Variants in DYNC1I1 observed in about 807,000 individuals in gnomAD.
DYNC1I1 encodes the protein dynein cytoplasmic 1 intermediate chain 1, also known as cytoplasmic dynein 1 intermediate chain 1.
DYNC1I1 carries 43 observed loss-of-function variants against 86.6 expected under a neutral mutation model. The observed-to-expected ratio is 0.50, with a 90% CI of 0.39 to 0.64. The LOEUF is 0.64. Ranked by LOEUF, DYNC1I1 falls within the 30% of genes least tolerant of loss-of-function variation. DYNC1I1 has a pLI of 0.00. For missense variants in DYNC1I1, 604 were observed against 788.8 expected (o/e 0.77, Z 2.81); for synonymous variants, 262 against 283.7 (o/e 0.92, Z 0.77).
intron 6 of DYNC1I1, among the ~76,000 whole-genome samples, chr7:95,892,466 A>G (rs1298053393): frequency 6.6e-6 from 1 of 152,052 alleles, no homozygotes; most frequent in Non-Finnish European, 1.5e-5. Context: ...GCCTGCCACC[A>G]CGCCCAGCTA....
chr7:95,965,070 G>A (rs1203785751), intron 6 of DYNC1I1, among the ~76,000 whole-genome samples: 1 of 152,186 alleles, frequency 6.6e-6, no homozygotes, highest in Non-Finnish European at 1.5e-5. Flanking sequence ...AAGACTCCAT[G>A]CAGTAGATGA....
chr7:96,035,855 G>GA (rs754937103), intron 13 of DYNC1I1, 103 bp downstream of exon 13: 50 of 1,545,936 alleles, frequency 3.2e-5, no homozygotes, highest in Non-Finnish European at 4.4e-5. Flanking sequence ...AGCATCTCTG[G>GA]AAAAATGGAA....
intron 6 of DYNC1I1, among the ~76,000 whole-genome samples, chr7:95,919,441 G>A (rs1791555671): frequency 6.6e-6 from 1 of 152,032 alleles, no homozygotes; most frequent in Admixed American, 6.6e-5. Flanking sequence ...TTTGATGTTT[G>A]GTTTCATGTT....
chr7:95,832,740 T>C (rs1440932332), intron 5 of DYNC1I1, among the ~76,000 whole-genome samples: 2 of 152,158 alleles, frequency 1.3e-5, no homozygotes, highest in Non-Finnish European at 2.9e-5. Context: ...CATTTTTTCA[T>C]GTGTTTTTTG....
intron 6 of DYNC1I1, among the ~76,000 whole-genome samples, chr7:95,957,708 A>G (rs992604012): frequency 2.6e-5 from 4 of 152,214 alleles, no homozygotes; most frequent in Non-Finnish European, 5.9e-5. Context: ...AGTCGGAGCC[A>G]GGAAGCACAT....
intron 6 of DYNC1I1, among the ~76,000 whole-genome samples, chr7:95,972,425 G>A (rs964522886): frequency 6.6e-6 from 1 of 152,056 alleles, no homozygotes; most frequent in African/African-American, 2.4e-5. Flanking sequence ...AGTTAGGAGC[G>A]ACCAGTCTGA....
chr7:96,022,851 C>T (rs141803535), intron 10 of DYNC1I1, among the ~76,000 whole-genome samples: 2,010 of 151,676 alleles, frequency 0.013, 40 homozygotes, highest in African/African-American at 0.046. Flanking sequence ...GCCTGGGTGA[C>T]AGAGCAAGAC....
intron 14 of DYNC1I1, among the ~76,000 whole-genome samples, chr7:96,040,514 T>C (rs1789004252): frequency 6.6e-6 from 1 of 152,098 alleles, no homozygotes. Flanking sequence ...CCTGGGCAGC[T>C]GGTGAGTGTA....
intron 10 of DYNC1I1, among the ~76,000 whole-genome samples, chr7:96,022,358 T>C (rs1794573077): frequency 6.6e-6 from 1 of 152,176 alleles, no homozygotes; most frequent in Non-Finnish European, 1.5e-5. Context: ...GTTTCTAATC[T>C]ATGGGAAATC....
intron 6 of DYNC1I1, among the ~76,000 whole-genome samples, chr7:95,884,680 T>A (rs1180259765): frequency 1.3e-5 from 2 of 151,366 alleles, no homozygotes; most frequent in Non-Finnish European, 1.5e-5. Flanking sequence ...ACACCTGTAA[T>A]CCTAGCTCTC....
intron 6 of DYNC1I1, among the ~76,000 whole-genome samples, chr7:95,880,414 G>A (rs945486406): frequency 4.6e-5 from 7 of 152,048 alleles, no homozygotes; most frequent in African/African-American, 1.7e-4. Context: ...TAAACGACCC[G>A]GGCAGTTTCA....
At chr7:95,986,974 G>A in intron 8 of DYNC1I1, 82 bp from the exon 9 acceptor site, 1 of 1,258,532 alleles carries the variant, frequency 7.9e-7, no homozygotes, top group Non-Finnish European at 1.2e-6. Flanking sequence ...TTGTGTGCCA[G>A]GCTTTTGCCA....
intron 6 of DYNC1I1, among the ~76,000 whole-genome samples, chr7:95,889,831 G>A (rs1373830079): frequency 1.3e-5 from 2 of 152,120 alleles, no homozygotes; most frequent in South Asian, 2.1e-4. Flanking sequence ...TGGCCAATAA[G>A]CATATGAAGA....
chr7:95,790,780 G>T (rs1320026728), intron 1 of DYNC1I1, among the ~76,000 whole-genome samples: 4 of 152,208 alleles, frequency 2.6e-5, no homozygotes, highest in African/African-American at 9.7e-5. Context: ...TGGCTAAGTG[G>T]CTGAGAGCAT....
intron 6 of DYNC1I1, among the ~76,000 whole-genome samples, chr7:95,870,566 C>A (rs1409490456): frequency 6.6e-6 from 1 of 152,226 alleles, no homozygotes; most frequent in Non-Finnish European, 1.5e-5. Flanking sequence ...TTGCTGACCA[C>A]TGATTTGGTT....
At chr7:95,956,370 CT>C (rs1279531970) in intron 6 of DYNC1I1, among the ~76,000 whole-genome samples, 9 of 135,794 alleles carry the variant, frequency 6.6e-5, no homozygotes, top group Admixed American at 5.6e-4. Context: ...TAAGACCCTT[CT>C]TTTTTTCTCT....
intron 16 of DYNC1I1, among the ~76,000 whole-genome samples, chr7:96,081,214 T>C (rs1332882152): frequency 6.6e-6 from 1 of 152,118 alleles, no homozygotes; most frequent in Non-Finnish European, 1.5e-5. Context: ...TGTGATTAAT[T>C]AGAATTTTGT....
At chr7:95,798,746 G>C (rs1794506153) in intron 1 of DYNC1I1, among the ~76,000 whole-genome samples, 1 of 152,118 alleles carries the variant, frequency 6.6e-6, no homozygotes, top group South Asian at 2.1e-4. Flanking sequence ...CAAAAGCTAA[G>C]CTTTGGGAGG....
chr7:96,093,739 AG>A (rs1415907399), intron 16 of DYNC1I1, among the ~76,000 whole-genome samples: 3 of 152,168 alleles, frequency 2.0e-5, no homozygotes, highest in Non-Finnish European at 4.4e-5. Context: ...ACATTGACTT[AG>A]AACAATGCTG....
Sources: allele counts gnomAD v4.1 joint callset (sites outside exome capture counted in the v4.1 genomes callset), GRCh38; gene constraint gnomAD v4.1.1; transcripts MANE v1.5; gene names NCBI Gene and HGNC (gene_info 2026-07-23, HGNC 2026-07-21).